LRRN2: variants seen among roughly 807,000 people sequenced by gnomAD.
LRRN2 encodes leucine-rich repeat neuronal protein 2.
Under a neutral mutation model 35.7 loss-of-function variants are expected in LRRN2, and 10 were observed. The observed-to-expected ratio is 0.28, with a 90% CI of 0.17 to 0.47. The LOEUF (loss-of-function observed/expected upper bound fraction) is 0.47, where lower values mean the gene tolerates loss of function less well. Among genes scored for constraint, LRRN2 ranks in the 20% least tolerant of loss-of-function variants. The probability of loss-of-function intolerance (pLI) is 0.99; values close to 1 mark genes in which losing one functional copy is unlikely to be tolerated. For missense variants in LRRN2, 731 were observed against 940.3 expected, an observed-to-expected ratio of 0.78 and a Z score of 2.91; for synonymous variants, 391 against 409.6, an observed-to-expected ratio of 0.95 and a Z score of 0.55.
intron 1 of LRRN2, among the ~76,000 whole-genome samples, chr1:204,680,048 G>A (rs1668913883): frequency 6.6e-6 from 1 of 152,208 alleles, no homozygotes; most frequent in Non-Finnish European, 1.5e-5. Flanking sequence ...AGATTCCGGG[G>A]TGGTGAAGAA....
At chr1:204,646,153 T>A (rs1330537227) in intron 1 of LRRN2, among the ~76,000 whole-genome samples, 3 of 151,436 alleles carry the variant, frequency 2.0e-5, no homozygotes, top group Non-Finnish European at 4.4e-5. Context: ...TGAGAAAAGA[T>A]GGGGAGGGGG....
Position 204,624,757 on chromosome 1 carries a change from C to A in LRRN2, c.-226-4539G>T, listed in dbSNP as rs1333558855. 6.1e-3 allele frequency among the ~76,000 whole-genome samples: 149 copies of A among 24,562 alleles called. 2 individuals are homozygous for A. The Middle Eastern group carries it at 0.065, about 11-fold the overall frequency. 16.1% of individuals were successfully genotyped at this position (24,562 alleles called of 152,430 possible). ...CTCTCCCTGGCGGTTCCCCCCCCAC[C>A]CCCCCCCCCGGGAGCTGAGGGTCCA... On this transcript the variant is annotated intron_variant, in intron 1 of 1. Transcript: ENST00000367177.
At chr1:204,683,275 G>C (rs902962357) in intron 1 of LRRN2, among the ~76,000 whole-genome samples, 1 of 152,200 alleles carries the variant, frequency 6.6e-6, no homozygotes, top group Admixed American at 6.5e-5. Flanking sequence ...GTGCGTGCAC[G>C]CCTGGCTTAC....
chr1:204,642,474 G>A (rs946340065), intron 1 of LRRN2, among the ~76,000 whole-genome samples: 9 of 152,148 alleles, frequency 5.9e-5, no homozygotes, highest in African/African-American at 1.7e-4. Context: ...CCGGCTCTGC[G>A]CTCCCATCAG....
At position 204,639,322 on chromosome 1, in the gene LRRN2, C is replaced by T. The variant is rs1162003184; in HGVS notation, c.-226-19104G>A. ...GTACAGAGAAACATCCTCCTGGGCTCAGTTTCCTCAATTCTAAAATGGGAG... is the reference window on the plus strand; with the variant it reads ...GTACAGAGAAACATCCTCCTGGGCTTAGTTTCCTCAATTCTAAAATGGGAG... On this transcript the variant is annotated intron_variant, in intron 1 of 1. Transcript: ENST00000367177. Among the ~76,000 whole-genome samples the T allele has an allele frequency of 3.3e-5, 5 of 152,218 alleles. No homozygotes were observed. The East Asian group carries it at 9.6e-4, about 29-fold the overall frequency.
At chr1:204,683,820 C>T (rs529573075) in intron 1 of LRRN2, among the ~76,000 whole-genome samples, 2 of 152,330 alleles carry the variant, frequency 1.3e-5, no homozygotes, top group African/African-American at 4.8e-5. Flanking sequence ...AGGCTCAGAT[C>T]CCTAGCTCTG....
intron 1 of LRRN2, among the ~76,000 whole-genome samples, chr1:204,656,421 C>T (rs1668357711): frequency 6.6e-6 from 1 of 152,216 alleles, no homozygotes; most frequent in East Asian, 1.9e-4. Context: ...CATATCTTTT[C>T]AGGCTTTTTC....
At chr1:204,664,790 C>T (rs907949257) in intron 1 of LRRN2, among the ~76,000 whole-genome samples, 4 of 152,180 alleles carry the variant, frequency 2.6e-5, no homozygotes, top group African/African-American at 4.8e-5. Flanking sequence ...AGTCCCTCCC[C>T]GTCTTCTGCG....
intron 1 of LRRN2, among the ~76,000 whole-genome samples, chr1:204,671,395 T>TGTGTGTGTGTGTGTG (rs1558422408): frequency 1.4e-5 from 2 of 141,430 alleles, no homozygotes; most frequent in Non-Finnish European, 3.0e-5. Context: ...AGCAATCTGT[T>TGTGTGTGTGTGTGTG]TGTGTGTTTG....
At chr1:204,678,874 C>T (rs1386363042) in intron 1 of LRRN2, among the ~76,000 whole-genome samples, 1 of 152,182 alleles carries the variant, frequency 6.6e-6, no homozygotes, top group African/African-American at 2.4e-5. Flanking sequence ...TGTGCCATTT[C>T]CTTTATGAGT....
chr1:204,651,549 G>T lies in LRRN2; in HGVS notation c.-226-31331C>A, dbSNP rs183734847. On this transcript the variant is annotated intron_variant, in intron 1 of 1. Coordinates refer to ENST00000367177, the MANE Select transcript of LRRN2 (RefSeq NM_201630.2). ...CACCTGGATGATGAGGAAGCAGAGT[G>T]GGGTGACCAACTTGTCCCCATTTCC... Among the ~76,000 whole-genome samples, 3 of 152,226 alleles carry T rather than the reference G, an allele frequency of 2.0e-5. No individual in the cohort carries two copies. In the East Asian group the frequency reaches 5.8e-4, roughly 29 times the overall value.
chr1:204,638,535 G>A (rs543394288), intron 1 of LRRN2, among the ~76,000 whole-genome samples: 3 of 148,160 alleles, frequency 2.0e-5, no homozygotes, highest in African/African-American at 2.5e-5. Flanking sequence ...CTCAGCCTCC[G>A]GAGTAGCTGA....
intron 1 of LRRN2, among the ~76,000 whole-genome samples, chr1:204,683,449 GGAAGGAGAGGAGGAT>G (rs1422762008): frequency 6.6e-6 from 1 of 151,800 alleles, no homozygotes; most frequent in Non-Finnish European, 1.5e-5. Context: ...GAAGAGTGAA[GGAAGGAGAGGAGGAT>G]GAGGGGGAGG....
chr1:204,682,630 T>A (rs897448489), intron 1 of LRRN2, among the ~76,000 whole-genome samples: 1 of 152,240 alleles, frequency 6.6e-6, no homozygotes, highest in Non-Finnish European at 1.5e-5. Context: ...ACTTTTGTAA[T>A]GTTCCTCACA....
At chr1:204,651,516 G>A (rs1668223550) in intron 1 of LRRN2, among the ~76,000 whole-genome samples, 1 of 152,198 alleles carries the variant, frequency 6.6e-6, no homozygotes, top group Non-Finnish European at 1.5e-5. Flanking sequence ...CTTTGAGGAA[G>A]GGACTGACAC....
intron 1 of LRRN2, among the ~76,000 whole-genome samples, chr1:204,646,571 C>T (rs1235951260): frequency 2.0e-5 from 3 of 151,992 alleles, no homozygotes. Flanking sequence ...GATTTTCTCC[C>T]TTCATGAGAA....
intron 1 of LRRN2, among the ~76,000 whole-genome samples, chr1:204,647,476 T>C (rs1668132137): frequency 6.6e-6 from 1 of 152,104 alleles, no homozygotes; most frequent in Non-Finnish European, 1.5e-5. Context: ...ATGAGGAACA[T>C]TTGTCACCTT....
chr1:204,660,998 C>T (rs1057214914), intron 1 of LRRN2, among the ~76,000 whole-genome samples: 1 of 151,948 alleles, frequency 6.6e-6, no homozygotes, highest in African/African-American at 2.4e-5. Flanking sequence ...GGATTGGGGC[C>T]GAATGTGATC....
At chr1:204,684,950 T>C (rs906698194) in intron 1 of LRRN2, among the ~76,000 whole-genome samples, 2 of 151,990 alleles carry the variant, frequency 1.3e-5, no homozygotes, top group Admixed American at 1.3e-4. Context: ...CCTCCACATC[T>C]CCAGGGCCCC....
Sources: gnomAD v4.1 joint callset for allele counts (sites outside exome capture counted in the v4.1 genomes callset) on GRCh38, gnomAD v4.1.1 for gene constraint, MANE v1.5 for transcripts, NCBI Gene and HGNC (gene_info 2026-07-23, HGNC 2026-07-21) for gene names.